The following HAUS6 variants were observed in gnomAD, a reference collection of about 807,000 sequenced individuals.
HAUS6 encodes the protein HAUS augmin-like complex subunit 6.
A neutral mutation model predicts 106.8 loss-of-function variants in HAUS6; 80 were observed. The observed-to-expected ratio is 0.75, with a 90% CI of 0.63 to 0.90. HAUS6 has a LOEUF of 0.90. Among genes scored for constraint, HAUS6 ranks in the 40% least tolerant of loss-of-function variants. The probability of loss-of-function intolerance (pLI) is 0.00; values close to 1 mark genes in which losing one functional copy is unlikely to be tolerated. For missense variants in HAUS6, 1,155 were observed against 1,118.1 expected (o/e 1.03, Z -0.47); for synonymous variants, 356 against 379.1 (o/e 0.94, Z 0.71).
chr9:19,053,847 G>T lies in HAUS6; in HGVS notation c.*2496C>A, dbSNP rs528644299. On this transcript the variant is annotated 3_prime_UTR_variant, in exon 17 of 17. Coordinates refer to ENST00000380502, the MANE Select transcript of HAUS6 (RefSeq NM_017645.5). ...GATGACACATGGCCTTGGGGTATAT[G>T]TATGTGTGTGAATACATACTCCCAA... The T allele has an allele frequency of 3.3e-5, 5 of 152,148 alleles. No individual in the cohort carries two copies. Among genetic ancestry groups the T allele is most frequent in the African/African-American group, 4.8e-5 (2 of 41,498 alleles). 9.4% of individuals were successfully genotyped at this position (152,148 alleles called of 1,614,324 possible). A position where few individuals can be genotyped will look rare whatever the true frequency, so the allele number is the denominator to read the frequency against.
At chr9:19,080,016 A>G (rs555523150) in intron 9 of HAUS6, among the ~76,000 whole-genome samples, 25 of 151,688 alleles carry the variant, frequency 1.6e-4, no homozygotes, top group Non-Finnish European at 3.7e-4. Context: ...CTCTACTAAA[A>G]ATACAAAATT....
At chr9:19,098,079 T>C (rs1359360820) in intron 1 of HAUS6, among the ~76,000 whole-genome samples, 2 of 152,220 alleles carry the variant, frequency 1.3e-5, no homozygotes, top group Non-Finnish European at 2.9e-5. Flanking sequence ...CCTTGTTCTC[T>C]TCTCTTTGAC....
intron 11 of HAUS6, among the ~76,000 whole-genome samples, chr9:19,072,688 CAAAG>C (rs1481546216): frequency 6.6e-6 from 1 of 151,904 alleles, no homozygotes; most frequent in Non-Finnish European, 1.5e-5. Flanking sequence ...AAGACATTTT[CAAAG>C]AAAGAACGAG....
At chr9:19,102,380 A>G in intron 1 of HAUS6, 144 bp downstream of exon 1, 1 of 880,278 alleles carries the variant, frequency 1.1e-6, no homozygotes, top group Non-Finnish European at 1.7e-6. Context: ...AGCAACTGGG[A>G]GTAGGAACTT....
At chr9:19,099,260 G>A (rs558279767) in intron 1 of HAUS6, among the ~76,000 whole-genome samples, 1 of 150,700 alleles carries the variant, frequency 6.6e-6, no homozygotes, top group South Asian at 2.1e-4. Context: ...TCTGCCTCCT[G>A]GGTTCACGCC....
At position 19,063,580 on chromosome 9, in the gene HAUS6, G is replaced by A. The variant is rs757399845; in HGVS notation, c.1377C>T (p.Ser459=). 1.3e-6 allele frequency: 2 copies of A among 1,599,664 alleles called. No individual in the cohort carries two copies. Among genetic ancestry groups the A allele is most frequent in the African/African-American group, 1.3e-5 (1 of 74,664 alleles). The change falls in exon 13 of 17, where the codon AGC becomes AGT. Residue 459 remains serine, a splice_region_variant and synonymous_variant. Transcript: ENST00000380502. The stretch of plus-strand genomic sequence containing the variant: ...CTGACTGCGACAAGAAAGAGGCAGG[G>A]CTAAAAGGAAAAAAGACAACAAATC... ...TLGALHDLAN[S]PASFLSQSVS...
At chr9:19,080,173 T>TC (rs1413324923) in intron 9 of HAUS6, among the ~76,000 whole-genome samples, 15 of 26,788 alleles carry the variant, frequency 5.6e-4, no homozygotes, top group African/African-American at 4.3e-3. Context: ...AAACTCCGTC[T>TC]CAAAAAAAAA....
intron 12 of HAUS6, among the ~76,000 whole-genome samples, chr9:19,068,714 TAAA>T (rs372286420): frequency 1.3e-3 from 184 of 144,994 alleles, no homozygotes; most frequent in African/African-American, 4.4e-3. Context: ...AAAAAACAAT[TAAA>T]AAAAAAAAAA....
In HAUS6 at chr9:19,089,397, C is replaced by T. The variant is rs768683099; in HGVS notation, c.584+15G>A. On this transcript the variant is annotated intron_variant, in intron 5 of 16. Transcript: ENST00000380502. ...AAGAAAGAAATTATTTTCTAACTATCAAGGTACTACTTACTGTGCATTTTC... is the reference window on the plus strand; with the variant it reads ...AAGAAAGAAATTATTTTCTAACTATTAAGGTACTACTTACTGTGCATTTTC... The T allele has an allele frequency of 6.5e-7, 1 of 1,540,296 alleles. No homozygotes were observed. The highest frequency in any genetic ancestry group is 1.7e-5 in the Admixed American group (1 of 59,532).
intron 12 of HAUS6, among the ~76,000 whole-genome samples, chr9:19,069,475 G>T (rs1036947597): frequency 2.0e-5 from 3 of 152,132 alleles, no homozygotes; most frequent in Non-Finnish European, 2.9e-5. Context: ...GATCACCTGA[G>T]ATCAGGAGTT....
chr9:19,099,797 C>A (rs1167084836), intron 1 of HAUS6, among the ~76,000 whole-genome samples: 1 of 152,188 alleles, frequency 6.6e-6, no homozygotes, highest in Non-Finnish European at 1.5e-5. Flanking sequence ...TGTCTGTAAT[C>A]CCAGCACTTT....
intron 2 of HAUS6, among the ~76,000 whole-genome samples, chr9:19,094,912 T>C (rs1246397717): frequency 6.6e-6 from 1 of 152,164 alleles, no homozygotes; most frequent in Non-Finnish European, 1.5e-5. Context: ...TTCTGTGTCA[T>C]ACAAATAACT....
At chr9:19,089,289 T>C in intron 5 of HAUS6, 123 bp downstream of exon 5, 1 of 648,626 alleles carries the variant, frequency 1.5e-6, no homozygotes, top group Admixed American at 3.0e-5. Context: ...GTTATCTGAC[T>C]TTAAAATAGA....
chr9:19,063,481 C>A, intron 13 of HAUS6, 33 bp downstream of exon 13: 1 of 1,070,134 alleles, frequency 9.3e-7, no homozygotes, highest in South Asian at 1.4e-5. Context: ...TTAGTATGGT[C>A]CAGAATTAAT....
At chr9:19,065,646 G>C (rs1485141505) in intron 12 of HAUS6, among the ~76,000 whole-genome samples, 1 of 152,108 alleles carries the variant, frequency 6.6e-6, no homozygotes, top group Non-Finnish European at 1.5e-5. Context: ...TTGAAGACCA[G>C]CCTCGCCAAC....
chr9:19,097,976 T>G (rs948235012), intron 1 of HAUS6, among the ~76,000 whole-genome samples: 3 of 152,234 alleles, frequency 2.0e-5, no homozygotes, highest in Admixed American at 1.3e-4. Context: ...ACTTTTGTCC[T>G]TAGAACATCT....
At chr9:19,097,026 G>C (rs1817879336) in intron 1 of HAUS6, among the ~76,000 whole-genome samples, 1 of 151,964 alleles carries the variant, frequency 6.6e-6, no homozygotes, top group African/African-American at 2.4e-5. Context: ...CTACAGAAAA[G>C]GAAGGAAAAC....
intron 11 of HAUS6, 83 bp downstream of exon 11, chr9:19,076,519 A>C (rs1837008144): frequency 2.7e-6 from 2 of 730,386 alleles, no homozygotes; most frequent in Admixed American, 2.5e-5. Context: ...GAAAAAGATA[A>C]GGAATTTAAA....
chr9:19,065,770 G>A (rs1379613854), intron 12 of HAUS6, among the ~76,000 whole-genome samples: 1 of 152,008 alleles, frequency 6.6e-6, no homozygotes, highest in East Asian at 1.9e-4. Flanking sequence ...GAACCCAGGA[G>A]GCAGCAGTTG....
Sources: allele counts gnomAD v4.1 joint callset (sites outside exome capture counted in the v4.1 genomes callset), GRCh38; gene constraint gnomAD v4.1.1; transcripts MANE v1.5; gene names NCBI Gene and HGNC (gene_info 2026-07-23, HGNC 2026-07-21).